FRMPD4: variants seen among roughly 807,000 people sequenced by gnomAD.
FRMPD4 encodes the protein FERM and PDZ domain containing 4, also known as FERM and PDZ domain-containing protein 4.
A neutral mutation model predicts 94.1 loss-of-function variants in FRMPD4; 22 were observed. That is an observed-to-expected ratio of 0.23 (90% confidence interval 0.17 to 0.33). The LOEUF (loss-of-function observed/expected upper bound fraction) is 0.33, where lower values mean the gene tolerates loss of function less well. Ranked by LOEUF, FRMPD4 falls within the 10% of genes least tolerant of loss-of-function variation. FRMPD4 has a pLI of 1.00. For synonymous variants in FRMPD4, 631 were observed against 548.6 expected, an observed-to-expected ratio of 1.15 and a Z score of -2.10; for missense variants, 1,111 against 1,339.9, an observed-to-expected ratio of 0.83 and a Z score of 2.67.
At position 12,458,613 on chromosome X, in the gene FRMPD4, G is replaced by T. The variant is rs145905572; in HGVS notation, c.42-40067G>T. 2.8e-4 allele frequency among the ~76,000 whole-genome samples: 31 copies of T among 111,782 alleles called. No homozygotes were observed. The East Asian group carries it at 8.8e-3, about 32-fold the overall frequency. On this transcript the variant is annotated intron_variant, in intron 1 of 16. Coordinates refer to ENST00000675598, the MANE Select transcript of FRMPD4 (RefSeq NM_001368397.1). ...TTCCTTGATGGCCTTTCCACAGCAT[G>T]GTGATCTCAGGGTTCCAAGAGGGTG...
intron 1 of FRMPD4, among the ~76,000 whole-genome samples, chrX:12,483,643 A>G (rs1228232816): frequency 9.0e-6 from 1 of 111,625 alleles, no homozygotes; most frequent in Admixed American, 9.5e-5. Flanking sequence ...GGGGAATTTT[A>G]TAAATTTTAG....
intron 2 of FRMPD4, among the ~76,000 whole-genome samples, chrX:12,602,869 C>T (rs751685618): frequency 8.9e-6 from 1 of 112,052 alleles, no homozygotes; most frequent in African/African-American, 3.2e-5. Context: ...TTACTTGACA[C>T]GTCTGGGCTC....
intron 3 of FRMPD4, among the ~76,000 whole-genome samples, chrX:12,052,820 C>T (rs908633473): frequency 2.7e-5 from 3 of 111,755 alleles, no homozygotes; most frequent in African/African-American, 6.5e-5. Flanking sequence ...CAAAAAGGGA[C>T]CTGTAATAAA....
At chrX:11,878,786 T>G (rs1184124943) in intron 3 of FRMPD4, among the ~76,000 whole-genome samples, 10 of 112,348 alleles carry the variant, frequency 8.9e-5, no homozygotes, top group African/African-American at 2.9e-4. Context: ...CATTAATCAC[T>G]GGCACTGTAT....
At chrX:12,244,096 T>TTTTTG (rs373723984) in intron 1 of FRMPD4, among the ~76,000 whole-genome samples, 170 of 110,023 alleles carry the variant, frequency 1.5e-3, no homozygotes, top group Middle Eastern at 4.6e-3. Context: ...GCACCTGGCG[T>TTTTTG]TTTTGTTTTG....
chrX:11,905,478 T>C (rs2053962285), intron 3 of FRMPD4, among the ~76,000 whole-genome samples: 1 of 111,843 alleles, frequency 8.9e-6, no homozygotes, highest in Admixed American at 9.5e-5. Context: ...TTGTTAATAA[T>C]TCTATCCCTC....
chrX:12,112,743 C>T (rs997056037), intron 3 of FRMPD4, among the ~76,000 whole-genome samples: 5 of 110,740 alleles, frequency 4.5e-5, no homozygotes, highest in Admixed American at 9.6e-5. Context: ...TAGTATGTTT[C>T]GATCCAGTGG....
chrX:12,304,682 CA>C (rs1569225137), intron 1 of FRMPD4, among the ~76,000 whole-genome samples: 1 of 111,671 alleles, frequency 9.0e-6, no homozygotes, highest in East Asian at 2.8e-4. Flanking sequence ...CCAGTGGAGC[CA>C]TTTAAGGCAG....
Position 12,694,362 on chromosome X carries a change from A to G in FRMPD4, c.841A>G (p.Met281Val), listed in dbSNP as rs2060107066. 8.4e-7 allele frequency: 1 copy of G among 1,192,839 alleles called. No individual in the cohort carries two copies. The highest frequency in any genetic ancestry group is 1.1e-6 in the Non-Finnish European group (1 of 879,480). Residue 281 changes from methionine to valine, a missense_variant, in exon 9 of 17, where the codon ATG (methionine) becomes GTG (valine). This residue lies in a region of FRMPD4 where 37 missense variants were observed against 101.0 expected (regional missense o/e 0.37). Transcript: ENST00000675598. Reference protein sequence around the residue: ...QVTQRPSSHKMRCLFRISFVP... With the variant: ...QVTQRPSSHKVRCLFRISFVP... ...GACACAGAGGCCCAGCTCCCATAAG[A>G]TGAGATGTCTTTTCCGAATTAGCTT...
chrX:11,863,456 AT>A (rs2053700144), intron 1 of FRMPD4, among the ~76,000 whole-genome samples: 1 of 111,297 alleles, frequency 9.0e-6, no homozygotes, highest in African/African-American at 3.3e-5. Context: ...CATTGCATGA[AT>A]TTTTTTAGGA....
chrX:12,671,103 T>C (rs1367101953), intron 4 of FRMPD4, among the ~76,000 whole-genome samples: 1 of 111,754 alleles, frequency 8.9e-6, no homozygotes, highest in Non-Finnish European at 1.9e-5. Context: ...CTGGAGAGGA[T>C]GTGGAGAAAT....
intron 4 of FRMPD4, among the ~76,000 whole-genome samples, chrX:12,619,986 G>A (rs1049195879): frequency 1.8e-5 from 2 of 112,578 alleles, no homozygotes; most frequent in African/African-American, 6.5e-5. Context: ...ATCTGAATGT[G>A]GATCCTGAAG....
intron 9 of FRMPD4, among the ~76,000 whole-genome samples, chrX:12,698,955 T>C: frequency 8.9e-6 from 1 of 112,144 alleles, no homozygotes; most frequent in Non-Finnish European, 1.9e-5. Flanking sequence ...TGAAATGCCA[T>C]GTTCGAGGTC....
At chrX:12,014,841 G>A (rs1394042870) in intron 3 of FRMPD4, among the ~76,000 whole-genome samples, 5 of 111,183 alleles carry the variant, frequency 4.5e-5, no homozygotes, top group Non-Finnish European at 5.7e-5. Flanking sequence ...CATAAGTACC[G>A]TAGCCCATGA....
At chrX:12,565,000 C>T (rs901914595) in intron 2 of FRMPD4, among the ~76,000 whole-genome samples, 3 of 109,801 alleles carry the variant, frequency 2.7e-5, no homozygotes, top group Admixed American at 9.7e-5. Flanking sequence ...GCACGAGAAT[C>T]GCTTAAACTG....
At chrX:12,679,577 G>A (rs149797826) in intron 5 of FRMPD4, among the ~76,000 whole-genome samples, 1,747 of 112,055 alleles carry the variant, frequency 0.016, 48 homozygotes, top group African/African-American at 0.052. Flanking sequence ...TATCACACTG[G>A]TGCACCTGGT....
intron 1 of FRMPD4, among the ~76,000 whole-genome samples, chrX:12,463,421 A>C (rs2057411462): frequency 8.9e-6 from 1 of 111,835 alleles, no homozygotes; most frequent in African/African-American, 3.2e-5. Flanking sequence ...CATGAACCAG[A>C]TATGTTCCTT....
chrX:12,289,347 C>A (rs1400195944), intron 1 of FRMPD4, among the ~76,000 whole-genome samples: 1 of 112,028 alleles, frequency 8.9e-6, no homozygotes, highest in Non-Finnish European at 1.9e-5. Context: ...AATCTCTAGA[C>A]CTGTGTTGTC....
At chrX:12,652,833 C>A (rs2059609191) in intron 4 of FRMPD4, among the ~76,000 whole-genome samples, 1 of 111,487 alleles carries the variant, frequency 9.0e-6, no homozygotes, top group African/African-American at 3.3e-5. Context: ...GGTGGCAAGG[C>A]CTCTGAAAGA....
Sources: gnomAD v4.1 joint callset for allele counts (sites outside exome capture counted in the v4.1 genomes callset) on GRCh38, gnomAD v4.1.1 for gene constraint, gnomAD v4.1.1 regional missense constraint, MANE v1.5 for transcripts, NCBI Gene and HGNC (gene_info 2026-07-23, HGNC 2026-07-21) for gene names.